WWP2: variants seen among roughly 807,000 people sequenced by gnomAD.
WWP2 encodes WW domain containing E3 ubiquitin protein ligase 2.
A neutral mutation model predicts 121.0 loss-of-function variants in WWP2; 57 were observed. The observed-to-expected ratio is 0.47, with a 90% CI of 0.38 to 0.59. The LOEUF is 0.59. Ranked by LOEUF, WWP2 falls within the 20% of genes least tolerant of loss-of-function variation. The probability of loss-of-function intolerance (pLI) is 0.00; values close to 1 mark genes in which losing one functional copy is unlikely to be tolerated. For synonymous variants in WWP2, 449 were observed against 441.3 expected (o/e 1.02, Z -0.22); for missense variants, 962 against 1,158.9 (o/e 0.83, Z 2.47).
intron 4 of WWP2, among the ~76,000 whole-genome samples, chr16:69,804,113 G>T (rs934046431): frequency 6.6e-6 from 1 of 151,968 alleles, no homozygotes; most frequent in Admixed American, 6.6e-5. Flanking sequence ...ATTATTCTTC[G>T]TCTTACCATT....
At chr16:69,899,726 CAAAAAAAAAAAA>C (rs35485826) in intron 8 of WWP2, among the ~76,000 whole-genome samples, 2 of 64,754 alleles carry the variant, frequency 3.1e-5, no homozygotes, top group Non-Finnish European at 5.9e-5. Context: ...GACTCCGTCT[CAAAAAAAAAAAA>C]AAAAAAAAAA....
At position 69,906,824 on chromosome 16, in the gene WWP2, G is replaced by C. The variant is rs139780091; in HGVS notation, c.915-1937G>C. 3.0e-3 allele frequency among the ~76,000 whole-genome samples: 449 copies of C among 152,156 alleles called. 2 individuals carry two copies. Among genetic ancestry groups the C allele is most frequent in the African/African-American group, 0.01 (433 of 41,476 alleles). ...GAACCCAAGAATCAGAGGCTGTAGT[G>C]AGCTATGATCACACCACCACACTCC... is the stretch of plus-strand genomic sequence containing the variant. On this transcript the variant is annotated intron_variant, in intron 8 of 23. Coordinates refer to ENST00000359154, the MANE Select transcript of WWP2 (RefSeq NM_001270454.2).
At chr16:69,932,326 A>G (rs963511003) in intron 16 of WWP2, among the ~76,000 whole-genome samples, 1 of 152,250 alleles carries the variant, frequency 6.6e-6, no homozygotes, top group East Asian at 1.9e-4. Flanking sequence ...GCGAAACTCC[A>G]TCTCAAAAAC....
intron 2 of WWP2, among the ~76,000 whole-genome samples, chr16:69,797,725 C>A (rs2056076662): frequency 6.6e-6 from 1 of 151,808 alleles, no homozygotes; most frequent in Admixed American, 6.6e-5. Context: ...CCTGTCTCTA[C>A]TAAAAATACA....
intron 6 of WWP2, among the ~76,000 whole-genome samples, chr16:69,857,726 A>G (rs1157462114): frequency 6.8e-6 from 1 of 148,128 alleles, no homozygotes; most frequent in African/African-American, 2.5e-5. Flanking sequence ...CAGTGGCACA[A>G]TCACAGCTCA....
At chr16:69,931,945 C>A in intron 16 of WWP2, 55 bp downstream of exon 16, 1 of 1,511,070 alleles carries the variant, frequency 6.6e-7, no homozygotes, top group Non-Finnish European at 9.1e-7. Flanking sequence ...CAGGCTACAG[C>A]ATCAATGGCC....
At chr16:69,773,143 A>C (rs999189702) in intron 1 of WWP2, among the ~76,000 whole-genome samples, 11 of 150,094 alleles carry the variant, frequency 7.3e-5, no homozygotes, top group Non-Finnish European at 1.6e-4. Flanking sequence ...CCTGACGGGG[A>C]GCTCCTTCAT....
At chr16:69,869,711 G>A (rs1567394506) in intron 6 of WWP2, among the ~76,000 whole-genome samples, 1 of 152,172 alleles carries the variant, frequency 6.6e-6, no homozygotes, top group Non-Finnish European at 1.5e-5. Flanking sequence ...GAAAAATCTA[G>A]AAGAGCACAA....
chr16:69,865,733 T>TTAAATA (rs1308962175), intron 6 of WWP2, among the ~76,000 whole-genome samples: 3 of 152,220 alleles, frequency 2.0e-5, no homozygotes, highest in Non-Finnish European at 4.4e-5. Flanking sequence ...CTTGTTGCCC[T>TTAAATA]TTGAGATGGA....
chr16:69,937,119 C>A lies in WWP2; in HGVS notation c.2119C>A (p.Leu707Met). 2 of 1,613,916 alleles carry A rather than the reference C, an allele frequency of 1.2e-6. No homozygotes were observed. The highest frequency in any genetic ancestry group is 1.7e-6 in the Non-Finnish European group (2 of 1,179,928). The change falls in exon 20 of 24, where the codon CTG becomes ATG. Residue 707 changes from leucine (L) to methionine (M), a missense_variant and splice_region_variant. Coordinates refer to ENST00000359154, the MANE Select transcript of WWP2 (RefSeq NM_001270454.2). This position sits in a 1 kb window ranked among gnomAD's most constrained non-coding sequence, Gnocchi z 6.6. ...TEENKEEYIM[L>M]LTDWRFTRGV... is the part of the protein sequence containing the mutation. ...CCCATGGCTGCTCTTTGGTCTCAGG[C>A]TGCTGACTGACTGGCGTTTCACCCG...
intron 4 of WWP2, among the ~76,000 whole-genome samples, chr16:69,822,567 A>C (rs2056612022): frequency 6.6e-6 from 1 of 151,888 alleles, no homozygotes; most frequent in African/African-American, 2.4e-5. Context: ...GTGTGTGTTC[A>C]TGCATGTGTG....
chr16:69,833,270 G>A (rs1309197374), intron 4 of WWP2, among the ~76,000 whole-genome samples: 1 of 152,238 alleles, frequency 6.6e-6, no homozygotes, highest in African/African-American at 2.4e-5. Context: ...GCAGTGTGTT[G>A]TTGAAGAAAC....
At chr16:69,786,745 C>A (rs1283062060) in intron 1 of WWP2, among the ~76,000 whole-genome samples, 1 of 152,162 alleles carries the variant, frequency 6.6e-6, no homozygotes, top group Non-Finnish European at 1.5e-5. Context: ...GCGACCATGC[C>A]TGGCAGAGGT....
At chr16:69,851,026 T>TTA (rs35673651) in intron 6 of WWP2, among the ~76,000 whole-genome samples, 54,569 of 142,334 alleles carry the variant, frequency 0.38, 10,762 homozygotes, top group Admixed American at 0.49. Context: ...TTTTTTTTTT[T>TTA]GGACAGAGTC....
chr16:69,840,063 A>C, intron 4 of WWP2, 63 bp from the exon 5 acceptor site: 6 of 1,590,808 alleles, frequency 3.8e-6, no homozygotes, highest in African/African-American at 2.7e-5. Context: ...CTTCTAATTT[A>C]GAGAATCTTA....
chr16:69,923,137 G>A (rs1021697252), intron 10 of WWP2, among the ~76,000 whole-genome samples: 6 of 151,992 alleles, frequency 3.9e-5, no homozygotes, highest in African/African-American at 1.2e-4. Flanking sequence ...TGATCCATCC[G>A]CCTCAGACTC....
chr16:69,939,789 T>C, intron 23 of WWP2, 52 bp from the exon 24 acceptor site: 1 of 1,542,216 alleles, frequency 6.5e-7, no homozygotes, highest in East Asian at 2.3e-5. Context: ...GGTGGGGCTA[T>C]CAGAGCCCTG....
intron 4 of WWP2, among the ~76,000 whole-genome samples, chr16:69,818,334 A>C (rs867870493): frequency 2.0e-5 from 3 of 151,848 alleles, no homozygotes; most frequent in Non-Finnish European, 4.4e-5. Context: ...CAGCCTCCCA[A>C]GTAGCTGGGA....
At chr16:69,787,136 T>G in intron 2 of WWP2, 56 bp downstream of exon 2, 2 of 1,519,150 alleles carry the variant, frequency 1.3e-6, no homozygotes, top group Non-Finnish European at 1.8e-6. Flanking sequence ...AGAGGGAGAA[T>G]CTAACCACAC....
Sources: allele counts gnomAD v4.1 joint callset (sites outside exome capture counted in the v4.1 genomes callset), GRCh38; gene constraint gnomAD v4.1.1; non-coding constraint Gnocchi (gnomAD v3.1); transcripts MANE v1.5; gene names NCBI Gene and HGNC (gene_info 2026-07-23, HGNC 2026-07-21).